Variants in ITPKB observed in about 807,000 individuals in gnomAD.
The protein encoded by ITPKB is inositol-trisphosphate 3-kinase B.
In ITPKB, 13 loss-of-function variants were observed where a neutral mutation model predicts 69.4. That is an observed-to-expected ratio of 0.19 (90% CI 0.12 to 0.30). The LOEUF (loss-of-function observed/expected upper bound fraction) is 0.30. ITPKB is among the 10% of genes least tolerant of loss of function. The pLI, the probability that ITPKB is intolerant of heterozygous loss-of-function variation, is 1.00. For synonymous variants in ITPKB, 584 were observed against 513.7 expected (o/e 1.14, Z -1.85); for missense variants, 1,240 against 1,250.5 (o/e 0.99, Z 0.13).
At chr1:226,664,886 A>G (rs879758375) in intron 2 of ITPKB, among the ~76,000 whole-genome samples, 1 of 152,170 alleles carries the variant, frequency 6.6e-6, no homozygotes, top group Non-Finnish European at 1.5e-5. Context: ...AATGGACCAG[A>G]AGCTCCTAGA....
At chr1:226,700,835 A>G (rs1656619891) in intron 2 of ITPKB, among the ~76,000 whole-genome samples, 1 of 152,206 alleles carries the variant, frequency 6.6e-6, no homozygotes, top group Admixed American at 6.5e-5. Flanking sequence ...AGAGAGGAAG[A>G]GAACACAAAA....
chr1:226,725,651 G>T (rs1449753772), intron 2 of ITPKB, among the ~76,000 whole-genome samples: 1 of 152,160 alleles, frequency 6.6e-6, no homozygotes, highest in Non-Finnish European at 1.5e-5. Flanking sequence ...GGGAGCATGA[G>T]ACCCCTGCTT....
intron 2 of ITPKB, among the ~76,000 whole-genome samples, chr1:226,658,121 T>A (rs1009313780): frequency 9.2e-5 from 14 of 152,374 alleles, no homozygotes; most frequent in African/African-American, 2.9e-4. Flanking sequence ...CATTGAGTTT[T>A]CCATGTTTGG....
chr1:226,668,188 G>C (rs10916025), intron 2 of ITPKB, among the ~76,000 whole-genome samples: 21,717 of 152,152 alleles, frequency 0.14, 1,947 homozygotes, highest in East Asian at 0.26. Context: ...CATTATTCTT[G>C]ACTTTTAATA....
intron 2 of ITPKB, among the ~76,000 whole-genome samples, chr1:226,721,275 G>A (rs1657233495): frequency 6.7e-6 from 1 of 149,464 alleles, no homozygotes; most frequent in Admixed American, 6.7e-5. Context: ...TTGAACCCAG[G>A]AGGCGGAGGT....
chr1:226,726,980 G>A (rs928572178), intron 2 of ITPKB, among the ~76,000 whole-genome samples: 4 of 152,184 alleles, frequency 2.6e-5, no homozygotes, highest in African/African-American at 9.7e-5. Context: ...ATTGCTAAGA[G>A]ATTAAAATTG....
intron 2 of ITPKB, among the ~76,000 whole-genome samples, chr1:226,649,583 G>A (rs1325215490): frequency 1.3e-5 from 2 of 151,926 alleles, no homozygotes; most frequent in African/African-American, 4.8e-5. Context: ...GAGTGTGTGC[G>A]TGTGCATGTG....
chr1:226,690,516 G>A (rs1656323735), intron 2 of ITPKB, among the ~76,000 whole-genome samples: 1 of 145,852 alleles, frequency 6.9e-6, no homozygotes, highest in South Asian at 2.1e-4. Flanking sequence ...GGCTGAGGCA[G>A]GATAACTCAC....
intron 2 of ITPKB, among the ~76,000 whole-genome samples, chr1:226,730,629 A>ACCT (rs1657563292): frequency 6.6e-6 from 1 of 152,146 alleles, no homozygotes; most frequent in African/African-American, 2.4e-5. Context: ...ATTCTGAACC[A>ACCT]CCTCCTGATT....
chr1:226,699,889 C>A (rs1656592879), intron 2 of ITPKB, among the ~76,000 whole-genome samples: 1 of 152,138 alleles, frequency 6.6e-6, no homozygotes, highest in Non-Finnish European at 1.5e-5. Context: ...CCACAATAGG[C>A]TGTCTGCAAG....
intron 2 of ITPKB, chr1:226,657,004 C>T (rs143610445): frequency 1.8e-3 from 267 of 152,324 alleles, no homozygotes; most frequent in African/African-American, 6.3e-3. Flanking sequence ...GGCAAGCATC[C>T]AACTAGGCAC....
At position 226,684,482 on chromosome 1, in the gene ITPKB, C is replaced by CT. The variant is rs956276907; in HGVS notation, c.1933-35712dup. On this transcript the variant is annotated intron_variant, in intron 2 of 7. Coordinates refer to ENST00000429204, the MANE Select transcript of ITPKB (RefSeq NM_002221.4). Reference sequence around the variant, plus strand: ...CATAGCAGAGCAGGATAGAGCAACACTTTTTTTTTCTTTAACCAGGGAAGG... The same window carrying CT: ...CATAGCAGAGCAGGATAGAGCAACACTTTTTTTTTTCTTTAACCAGGGAAGG... Among the ~76,000 whole-genome samples the CT allele has an allele frequency of 4.0e-5, 6 of 151,806 alleles. No individual in the cohort carries two copies. The South Asian group carries it at 6.3e-4, about 16-fold the overall frequency.
At chr1:226,729,035 G>T (rs576822172) in intron 2 of ITPKB, among the ~76,000 whole-genome samples, 3 of 152,194 alleles carry the variant, frequency 2.0e-5, no homozygotes, top group African/African-American at 7.2e-5. Context: ...TGCTTTAAAA[G>T]CATGCACTGT....
chr1:226,670,124 T>C (rs1226232018), intron 2 of ITPKB, among the ~76,000 whole-genome samples: 2 of 120,184 alleles, frequency 1.7e-5, no homozygotes, highest in East Asian at 5.5e-4. Flanking sequence ...TCCGCCTGCC[T>C]CGCCCTCCCA....
intron 2 of ITPKB, among the ~76,000 whole-genome samples, chr1:226,697,998 A>G (rs1656536220): frequency 6.6e-6 from 1 of 152,150 alleles, no homozygotes; most frequent in Admixed American, 6.5e-5. Context: ...AGATGGAAGG[A>G]CACTCCCCCC....
intron 2 of ITPKB, among the ~76,000 whole-genome samples, chr1:226,723,316 TTCAGAGAC>T (rs1657300416): frequency 6.6e-6 from 1 of 152,116 alleles, no homozygotes; most frequent in South Asian, 2.1e-4. Context: ...CACAGTGTAC[TTCAGAGAC>T]CCCAGAGCCA....
At chr1:226,679,742 T>C (rs375217080) in intron 2 of ITPKB, among the ~76,000 whole-genome samples, 12 of 152,384 alleles carry the variant, frequency 7.9e-5, no homozygotes, top group East Asian at 3.9e-4. Flanking sequence ...CATTTCTTTA[T>C]AGTTTTCTGT....
At position 226,690,997 on chromosome 1, in the gene ITPKB, C is replaced by A. The variant is rs556604760; in HGVS notation, c.1933-42226G>T. On this transcript the variant is annotated intron_variant, in intron 2 of 7. Transcript: ENST00000429204. ...CAAACGCTGTATGACTCCACTTATC[C>A]CAAGTACCGAAAATAGGCAAATTCA... is the stretch of plus-strand genomic sequence containing the variant. 3.9e-4 allele frequency among the ~76,000 whole-genome samples: 60 copies of A among 152,194 alleles called. 1 individual carries two copies. The highest frequency in any genetic ancestry group is 1.4e-3 in the African/African-American group (60 of 41,514).
chr1:226,637,580 C>A lies in ITPKB; in HGVS notation c.2625+99G>T. 1.1e-6 allele frequency: 1 copy of A among 938,520 alleles called. No individual in the cohort carries two copies. Among genetic ancestry groups the A allele is most frequent in the Non-Finnish European group, 1.7e-6 (1 of 586,220 alleles). 58.1% of individuals were successfully genotyped at this position (938,520 alleles called of 1,614,324 possible). A position where few individuals can be genotyped will look rare whatever the true frequency, so the allele number is the denominator to read the frequency against. On this transcript the variant is annotated intron_variant, in intron 7 of 7. Coordinates refer to ENST00000429204, the MANE Select transcript of ITPKB (RefSeq NM_002221.4). The surrounding 1 kb of genome is among the most constrained non-coding windows in gnomAD (Gnocchi z 4.3). ...GATGGCCTGCCTCTGGCTGCACCAC[C>A]CTGAAAATGCCCGATGCCCCGGGCT...
Sources: allele counts gnomAD v4.1 joint callset (sites outside exome capture counted in the v4.1 genomes callset), GRCh38; gene constraint gnomAD v4.1.1; non-coding constraint Gnocchi (gnomAD v3.1); transcripts MANE v1.5; gene names NCBI Gene and HGNC (gene_info 2026-07-23, HGNC 2026-07-21).